Variants in VRTN observed in about 807,000 individuals in gnomAD.
The protein encoded by VRTN is vertnin.
VRTN carries 5 observed loss-of-function variants against 18.2 expected under a neutral mutation model. That is an observed-to-expected ratio of 0.27 (90% CI 0.14 to 0.58). VRTN has a LOEUF of 0.58. VRTN is among the 20% of genes least tolerant of loss of function. VRTN has a pLI of 0.91. For synonymous variants in VRTN, 381 were observed against 393.7 expected (o/e 0.97, Z 0.38); for missense variants, 741 against 939.4 (o/e 0.79, Z 2.76).
At chr14:74,331,744 G>A (rs926983269) in intron 1 of VRTN, among the ~76,000 whole-genome samples, 481 of 151,240 alleles carry the variant, frequency 3.2e-3, no homozygotes, top group African/African-American at 0.011. Context: ...TGTAAGACGT[G>A]AAATCTTCAC....
chr14:74,331,741 C>T (rs200995618), intron 1 of VRTN, among the ~76,000 whole-genome samples: 8 of 150,494 alleles, frequency 5.3e-5, no homozygotes, highest in Non-Finnish European at 1.2e-4. Flanking sequence ...TTGTGTAAGA[C>T]GTGAAATCTT....
chr14:74,313,205 G>A (rs1030354762), intron 1 of VRTN, among the ~76,000 whole-genome samples: 1 of 152,148 alleles, frequency 6.6e-6, no homozygotes. Flanking sequence ...CAAGGAGCTT[G>A]CCTAGTCAAC....
At chr14:74,318,057 T>C in intron 1 of VRTN, among the ~76,000 whole-genome samples, 1 of 151,970 alleles carries the variant, frequency 6.6e-6, no homozygotes, top group East Asian at 1.9e-4. Context: ...AGTTCAAGGC[T>C]GCAGTGAGCT....
At chr14:74,311,891 C>T (rs1238732636) in intron 1 of VRTN, among the ~76,000 whole-genome samples, 1 of 151,720 alleles carries the variant, frequency 6.6e-6, no homozygotes, top group African/African-American at 2.4e-5. Flanking sequence ...GCCTCAGGCT[C>T]CTGAGTAGCT....
chr14:74,358,555 C>T lies in VRTN; in HGVS notation c.1772C>T (p.Pro591Leu). Residue 591 changes from proline (P) to leucine (L), a missense_variant, in exon 2 of 2, where the codon CCT (proline) becomes CTT (leucine). Pro to Leu is a moderately conservative substitution (Grantham distance 98, BLOSUM62 -3). This residue lies in a region of VRTN where 494 missense variants were observed against 546.5 expected (regional missense o/e 0.90). Transcript: ENST00000256362. This position sits in a 1 kb window ranked among gnomAD's most constrained non-coding sequence, Gnocchi z 5.4. ...GATGTGACAGCTGTGATGGCCCCAC[C>T]TGTGGGGGCTTCTTCAGAAGATGTA... is the stretch of plus-strand genomic sequence containing the variant. Reference protein sequence around the residue: ...GRDVTAVMAPPVGASSEDVEG... With the variant: ...GRDVTAVMAPLVGASSEDVEG... 6.2e-7 allele frequency: 1 copy of T among 1,609,248 alleles called. No homozygotes were observed. The highest frequency in any genetic ancestry group is 1.1e-5 in the South Asian group (1 of 90,506).
chr14:74,312,639 C>T (rs571200243), intron 1 of VRTN, among the ~76,000 whole-genome samples: 24 of 151,804 alleles, frequency 1.6e-4, no homozygotes, highest in African/African-American at 5.6e-4. Flanking sequence ...TTTGTAGAGA[C>T]GGGGTTTCAC....
At chr14:74,353,117 G>A (rs773438394) in intron 1 of VRTN, among the ~76,000 whole-genome samples, 1 of 152,010 alleles carries the variant, frequency 6.6e-6, no homozygotes, top group Non-Finnish European at 1.5e-5. Flanking sequence ...TGTCGGACAT[G>A]GTGAAACCCC....
intron 1 of VRTN, among the ~76,000 whole-genome samples, chr14:74,331,544 TTATA>T (rs1169929236): frequency 0.019 from 811 of 43,382 alleles, 14 homozygotes; most frequent in South Asian, 0.043. Context: ...AAAAAAAATT[TTATA>T]TATATATATA....
chr14:74,357,900 G>A lies in VRTN; in HGVS notation c.1117G>A (p.Glu373Lys), dbSNP rs570547691. 1.5e-5 allele frequency: 25 copies of A among 1,614,088 alleles called. 1 individual carries two copies. In the South Asian group the frequency reaches 2.3e-4, roughly 15 times the overall value. The change falls in exon 2 of 2, where the codon GAG (glutamate) becomes AAG (lysine). Residue 373 changes from glutamate (E) to lysine (K), a missense_variant. Around this residue, in one of 3 missense-constraint regions of VRTN, gnomAD observed 494 missense variants for 546.5 expected, o/e 0.90. Transcript: ENST00000256362. The surrounding 1 kb of genome is among the most constrained non-coding windows in gnomAD (Gnocchi z 7.8). The part of the protein sequence containing the change: ...LPPREVLGME[E>K]LEKLPEEQVA... ...CCCCAGGGAGGTGCTGGGCATGGAG[G>A]AGCTAGAGAAGCTGCCGGAGGAGCA...
chr14:74,303,740 TTAAG>T (rs1245754795), intron 1 of VRTN, among the ~76,000 whole-genome samples: 1 of 152,060 alleles, frequency 6.6e-6, no homozygotes, highest in Non-Finnish European at 1.5e-5. Context: ...CCAATCCTTA[TTAAG>T]TTTCAACTGC....
upstream of VRTN, among the ~76,000 whole-genome samples, chr14:74,347,585 G>A (rs2085651774): frequency 6.6e-6 from 1 of 152,232 alleles, no homozygotes; most frequent in African/African-American, 2.4e-5. Context: ...GAAGCAGTTA[G>A]CTACAGCACT....
intron 1 of VRTN, among the ~76,000 whole-genome samples, chr14:74,352,705 G>C (rs1349606521): frequency 6.6e-6 from 1 of 152,138 alleles, no homozygotes; most frequent in Middle Eastern, 3.4e-3. Flanking sequence ...GTGCCACCAC[G>C]CCTGGCCTTA....
At chr14:74,329,545 T>C (rs1166734108) in intron 1 of VRTN, among the ~76,000 whole-genome samples, 1 of 151,986 alleles carries the variant, frequency 6.6e-6, no homozygotes, top group Admixed American at 6.6e-5. Context: ...AGTGCTGGGA[T>C]TCCAGGTGTG....
intron 1 of VRTN, among the ~76,000 whole-genome samples, chr14:74,334,516 C>T (rs767622441): frequency 2.6e-5 from 4 of 152,114 alleles, no homozygotes; most frequent in Non-Finnish European, 5.9e-5. Context: ...GATGACAGAG[C>T]AAGACTCCAT....
intron 1 of VRTN, among the ~76,000 whole-genome samples, chr14:74,316,177 T>G (rs2140194211): frequency 6.6e-6 from 1 of 152,050 alleles, no homozygotes; most frequent in Non-Finnish European, 1.5e-5. Flanking sequence ...TGGAGGTGCT[T>G]CTTGGGATAG....
upstream of VRTN, among the ~76,000 whole-genome samples, chr14:74,345,021 G>T (rs2140208595): frequency 6.6e-6 from 1 of 152,126 alleles, no homozygotes; most frequent in East Asian, 1.9e-4. Flanking sequence ...TTTGAATCCT[G>T]ATCTTTTTGT....
upstream of VRTN, among the ~76,000 whole-genome samples, chr14:74,344,136 T>C (rs1175576973): frequency 6.7e-6 from 1 of 149,656 alleles, no homozygotes; most frequent in African/African-American, 2.5e-5. Context: ...CGGCTGGGCA[T>C]GGTAGCTAAT....
chr14:74,320,248 C>CTTT (rs1357605693), intron 1 of VRTN, among the ~76,000 whole-genome samples: 1 of 134,214 alleles, frequency 7.5e-6, no homozygotes, highest in African/African-American at 3.0e-5. Context: ...AGATCCCATC[C>CTTT]CTTTTTTTTT....
chr14:74,307,226 T>C (rs1443613693), intron 1 of VRTN, among the ~76,000 whole-genome samples: 1 of 142,430 alleles, frequency 7.0e-6, no homozygotes, highest in Non-Finnish European at 1.5e-5. Context: ...GCCTCCCAAG[T>C]TCAAGTGATT....
Sources: gnomAD v4.1 joint callset for allele counts (sites outside exome capture counted in the v4.1 genomes callset) on GRCh38, gnomAD v4.1.1 for gene constraint, gnomAD v4.1.1 regional missense constraint, Gnocchi (gnomAD v3.1) non-coding constraint, MANE v1.5 for transcripts, NCBI Gene and HGNC (gene_info 2026-07-23, HGNC 2026-07-21) for gene names.